Variants in ALDH4A1 observed in about 807,000 individuals in gnomAD.
ALDH4A1 encodes delta-1-pyrroline-5-carboxylate dehydrogenase, mitochondrial.
ALDH4A1 carries 46 observed loss-of-function variants against 70.5 expected under a neutral mutation model. That is an observed-to-expected ratio of 0.65 (90% CI 0.51 to 0.83). The LOEUF (loss-of-function observed/expected upper bound fraction) is 0.83, where lower values mean the gene tolerates loss of function less well. Ranked by LOEUF, ALDH4A1 falls within the 40% of genes least tolerant of loss-of-function variation. The pLI is 0.00. For missense variants in ALDH4A1, 749 were observed against 766.5 expected (o/e 0.98, Z 0.27); for synonymous variants, 323 against 324.3 (o/e 1.00, Z 0.04).
intron 12 of ALDH4A1, 129 bp from the exon 13 acceptor site, chr1:18,875,632 CAAG>C: frequency 6.9e-7 from 1 of 1,454,526 alleles, no homozygotes; most frequent in South Asian, 1.2e-5. Context: ...TCAGTGTCTG[CAAG>C]AAGGGTCAGG....
At chr1:18,877,180 C>A in intron 11 of ALDH4A1, 28 bp downstream of exon 11, 1 of 1,603,034 alleles carries the variant, frequency 6.2e-7, no homozygotes, top group Non-Finnish European at 8.5e-7. Context: ...TTGCCCCCAC[C>A]CAGGAACGCC....
chr1:18,888,103 A>G (rs9426727), intron 3 of ALDH4A1, among the ~76,000 whole-genome samples: 8,406 of 152,306 alleles, frequency 0.055, 329 homozygotes, highest in African/African-American at 0.11. Context: ...TCACATGCTC[A>G]ACAACCACAC....
chr1:18,885,427 T>TGCCACCCCCCCCCCC, intron 5 of ALDH4A1, 46 bp downstream of exon 5: 1 of 650,922 alleles, frequency 1.5e-6, no homozygotes. Flanking sequence ...CACACCTGAC[T>TGCCACCCCCCCCCCC]CCCACCCCAC....
intron 5 of ALDH4A1, chr1:18,885,175 C>T: frequency 4.4e-6 from 2 of 450,310 alleles, no homozygotes; most frequent in Non-Finnish European, 8.2e-6. Flanking sequence ...GGCAGGGAGA[C>T]AGTGCAGGCC....
rs2230706 is a variant in ALDH4A1, at chr1:18,876,432, T to C, written c.1221A>G (p.Ala407=). 1,115,451 of 1,606,196 alleles carry C rather than the reference T, an allele frequency of 0.69. 389,798 individuals carry two copies. Among genetic ancestry groups the C allele is most frequent in the Admixed American group, 0.78 (46,557 of 59,390 alleles). Residue 407 remains alanine (A), a synonymous_variant, in exon 12 of 15, where the codon GCA becomes GCG. Transcript: ENST00000375341. The stretch of plus-strand genomic sequence containing the variant: ...GGATGGTGAGGCTGGGTGAGGAGCG[T>C]GCGTGCTCCAGCCACTTCTTGATAC... ...FARIKKWLEH[A]RSSPSLTILA...
intron 1 of ALDH4A1, chr1:18,897,043 CAT>C (rs772038726): frequency 3.2e-5 from 17 of 533,536 alleles, no homozygotes; most frequent in Middle Eastern, 3.2e-4. Flanking sequence ...GAATCCACCA[CAT>C]AAGCGTATGA....
In ALDH4A1 at chr1:18,889,375, T is replaced by C; in HGVS notation, c.236A>G (p.Gln79Arg). ...GDEEVWTSDV[Q>R]YQVSPFNHGH... ...CGCTGGACATACCGACACTTGGTAC[T>C]GCACGTCCGACGTCCACACCTCCTC... The change falls in exon 3 of 15, where the codon CAG becomes CGG. Residue 79 changes from glutamine (Q) to arginine (R), a missense_variant. By Grantham distance (43) the Gln-to-Arg change is conservative. Coordinates refer to ENST00000375341, the MANE Select transcript of ALDH4A1 (RefSeq NM_003748.4). 1.9e-6 allele frequency: 3 copies of C among 1,552,384 alleles called. No individual in the cohort carries two copies. The highest frequency in any genetic ancestry group is 2.4e-5 in the East Asian group (1 of 40,944).
chr1:18,889,294 C>G (rs369591212), intron 3 of ALDH4A1, 68 bp downstream of exon 3: 55 of 1,393,250 alleles, frequency 3.9e-5, no homozygotes, highest in Non-Finnish European at 5.3e-5. Context: ...TATAAGCTTA[C>G]GAGCTGTCAG....
In ALDH4A1 at chr1:18,876,399, C is replaced by G. The variant is rs374409475; in HGVS notation, c.1254G>C (p.Gly418=). The change falls in exon 12 of 15, where the codon GGG becomes GGC. Residue 418 remains glycine, a synonymous_variant. Transcript: ENST00000375341. The stretch of plus-strand genomic sequence containing the variant: ...AGCCCACGGAGTCATCACACTTGCC[C>G]CCGGCCAGGATGGTGAGGCTGGGTG... The part of the protein sequence containing the change: ...RSSPSLTILA[G]GKCDDSVGYF... 2 of 1,613,452 alleles carry G rather than the reference C, an allele frequency of 1.2e-6. No homozygotes were observed. Among genetic ancestry groups the G allele is most frequent in the African/African-American group, 2.7e-5 (2 of 74,912 alleles).
At chr1:18,873,374 T>C (rs1399753421) in intron 14 of ALDH4A1, among the ~76,000 whole-genome samples, 1 of 152,142 alleles carries the variant, frequency 6.6e-6, no homozygotes, top group Non-Finnish European at 1.5e-5. Flanking sequence ...GAAAGGAGTG[T>C]CTTCCGTTAT....
Position 18,902,551 on chromosome 1 carries a change from G to A in ALDH4A1, c.-28C>T, listed in dbSNP as rs1481003776. 5 of 1,473,440 alleles carry A rather than the reference G, an allele frequency of 3.4e-6. No individual in the cohort carries two copies. Among genetic ancestry groups the A allele is most frequent in the Non-Finnish European group, 3.6e-6 (4 of 1,111,044 alleles). 91.3% of individuals were successfully genotyped at this position (1,473,440 alleles called of 1,614,324 possible). A position where few individuals can be genotyped will look rare whatever the true frequency, so the allele number is the denominator to read the frequency against. ...CGGGTTAGAAGCGGGGCTGTTCGCT[G>A]GATCGTCCGCCCGGGCGCGGCGAGA... On this transcript the variant is annotated 5_prime_UTR_variant, in exon 1 of 15. Coordinates refer to ENST00000375341, the MANE Select transcript of ALDH4A1 (RefSeq NM_003748.4).
rs551636372 is a variant in ALDH4A1, at chr1:18,884,019, G to A, written c.454-591C>T. On this transcript the variant is annotated intron_variant, in intron 5 of 14. Transcript: ENST00000375341. The stretch of plus-strand genomic sequence containing the variant: ...AAAAGAACTGTGGACAGCCAAGAAC[G>A]GGGCTTTTCCAGATTGACGTGGCCT... Among the ~76,000 whole-genome samples, 13 of 152,302 alleles carry A rather than the reference G, an allele frequency of 8.5e-5. No homozygotes were observed. In the South Asian group the frequency reaches 1.2e-3, roughly 15 times the overall value.
chr1:18,874,272 T>C (rs113270536), intron 14 of ALDH4A1, among the ~76,000 whole-genome samples, 191 bp downstream of exon 14: 2,703 of 152,356 alleles, frequency 0.018, 23 homozygotes, highest in Middle Eastern at 0.048. Flanking sequence ...TTTCCTCCTC[T>C]GTAAAATGGG....
Position 18,872,940 on chromosome 1 carries a change from CT to C in ALDH4A1, c.1596del (p.Gly534AlafsTer111), listed in dbSNP as rs2100546996. 6.2e-7 allele frequency: 1 copy of C among 1,614,048 alleles called. No homozygotes were observed. The highest frequency in any genetic ancestry group is 8.5e-7 in the Non-Finnish European group (1 of 1,180,022). On this transcript the variant is annotated frameshift_variant, in exon 15 of 15. Coordinates refer to ENST00000375341, the MANE Select transcript of ALDH4A1 (RefSeq NM_003748.4). LOFTEE classifies it high-confidence loss of function. ...CAGCGCAGGATGTAGTGTGGGCCCCCTGGCTTGTCATTGGTTCCTGCGGAAA... is the reference window on the plus strand; with the variant it reads ...CAGCGCAGGATGTAGTGTGGGCCCCCGGCTTGTCATTGGTTCCTGCGGAAA... ...GARASGTNDK[P>X]GGPHYILRWT...
chr1:18,885,314 C>G, intron 5 of ALDH4A1, 159 bp downstream of exon 5: 2 of 686,004 alleles, frequency 2.9e-6, no homozygotes, highest in Non-Finnish European at 4.9e-6. Context: ...CTGTGATCAT[C>G]CATCCCAGCT....
chr1:18,872,835 CGA>C lies in ALDH4A1; in HGVS notation c.*8_*9del. 1.2e-6 allele frequency: 2 copies of C among 1,610,218 alleles called. No homozygotes were observed. The highest frequency in any genetic ancestry group is 8.5e-7 in the Non-Finnish European group (1 of 1,177,462). ...GGACAGACAGCTGGACGGTGGAGCCCGAGAGGGGCTCACTGCATGTACGCGTA... is the reference window on the plus strand; with the variant it reads ...GGACAGACAGCTGGACGGTGGAGCCCGAGGGGCTCACTGCATGTACGCGTA... On this transcript the variant is annotated 3_prime_UTR_variant, in exon 15 of 15. Coordinates refer to ENST00000375341, the MANE Select transcript of ALDH4A1 (RefSeq NM_003748.4).
chr1:18,896,088 CA>C (rs1293966683), intron 1 of ALDH4A1, among the ~76,000 whole-genome samples: 1 of 152,160 alleles, frequency 6.6e-6, no homozygotes, highest in East Asian at 1.9e-4. Flanking sequence ...TCCAACCTCA[CA>C]TAGCCGGAAT....
chr1:18,885,427 T>TACCACCCCCCCCCCCCCCCCCCCCCC, intron 5 of ALDH4A1, 46 bp downstream of exon 5: 5 of 650,918 alleles, frequency 7.7e-6, no homozygotes, highest in African/African-American at 3.8e-5. Flanking sequence ...CACACCTGAC[T>TACCACCCCCCCCCCCCCCCCCCCCCC]CCCACCCCAC....
In ALDH4A1 at chr1:18,872,787, G is replaced by A; in HGVS notation, c.*58C>T. On this transcript the variant is annotated 3_prime_UTR_variant, in exon 15 of 15. Transcript: ENST00000375341. ...GTGGAGGGGCTGGAGTGGGGTCTGT[G>A]CAGTGAGGTCGGCCACCTGGACGGA... is the stretch of plus-strand genomic sequence containing the variant. The A allele has an allele frequency of 4.5e-6, 6 of 1,346,052 alleles. No individual in the cohort carries two copies. The highest frequency in any genetic ancestry group is 3.4e-5 in the Admixed American group (2 of 59,184). The allele number at this position is 1,346,052 out of a possible 1,614,324, so 83.4% of individuals were successfully genotyped here.
Sources: allele counts gnomAD v4.1 joint callset (sites outside exome capture counted in the v4.1 genomes callset), GRCh38; gene constraint gnomAD v4.1.1; transcripts MANE v1.5; gene names NCBI Gene and HGNC (gene_info 2026-07-23, HGNC 2026-07-21).